GPBP1: variants seen among roughly 807,000 people sequenced by gnomAD.
The protein encoded by GPBP1 is vasculin.
A neutral mutation model predicts 56.5 loss-of-function variants in GPBP1; 13 were observed. The ratio of observed to expected loss-of-function variants is 0.23; its 90% CI spans 0.15 to 0.37. GPBP1 has a LOEUF of 0.37. Among genes scored for constraint, GPBP1 ranks in the 10% least tolerant of loss-of-function variants. GPBP1 has a pLI of 1.00. For missense variants in GPBP1, 477 were observed against 572.3 expected, an observed-to-expected ratio of 0.83 and a Z score of 1.70; for synonymous variants, 204 against 188.9, an observed-to-expected ratio of 1.08 and a Z score of -0.66.
At chr5:57,193,635 A>C (rs942594439) in intron 2 of GPBP1, among the ~76,000 whole-genome samples, 2 of 151,446 alleles carry the variant, frequency 1.3e-5, no homozygotes, top group African/African-American at 4.8e-5. Context: ...AAAAAAAAAA[A>C]ACTATGAAAA....
intron 5 of GPBP1, among the ~76,000 whole-genome samples, chr5:57,232,990 G>A (rs1756524048): frequency 6.6e-6 from 1 of 152,148 alleles, no homozygotes; most frequent in African/African-American, 2.4e-5. Context: ...TAAATTGAAT[G>A]GAATTTTTGC....
intron 2 of GPBP1, among the ~76,000 whole-genome samples, chr5:57,187,315 AT>A (rs1343197907): frequency 1.3e-5 from 2 of 152,190 alleles, no homozygotes; most frequent in African/African-American, 4.8e-5. Context: ...AAATGACAAC[AT>A]TTCTATACTG....
At chr5:57,241,174 TC>T (rs2111898883) in intron 6 of GPBP1, among the ~76,000 whole-genome samples, 1 of 152,214 alleles carries the variant, frequency 6.6e-6, no homozygotes, top group South Asian at 2.1e-4. Context: ...GTCAGAAACT[TC>T]ATGTATGTAG....
intron 6 of GPBP1, among the ~76,000 whole-genome samples, chr5:57,239,531 A>C (rs746436127): frequency 1.1e-4 from 17 of 152,230 alleles, no homozygotes; most frequent in Non-Finnish European, 2.1e-4. Flanking sequence ...CTGTAATCCC[A>C]GCACTCTGGG....
At chr5:57,215,010 T>C (rs1755644673) in intron 3 of GPBP1, among the ~76,000 whole-genome samples, 1 of 152,346 alleles carries the variant, frequency 6.6e-6, no homozygotes, top group East Asian at 1.9e-4. Context: ...CAGCGTACAC[T>C]AAGCCATTTA....
intron 2 of GPBP1, among the ~76,000 whole-genome samples, chr5:57,208,216 CCTTTT>C (rs1163272408): frequency 4.6e-5 from 7 of 152,066 alleles, no homozygotes; most frequent in Non-Finnish European, 8.8e-5. Context: ...GGGACCATGC[CCTTTT>C]CTTCCCAGCA....
At chr5:57,208,082 C>T (rs924971672) in intron 2 of GPBP1, among the ~76,000 whole-genome samples, 17 of 152,096 alleles carry the variant, frequency 1.1e-4, no homozygotes, top group East Asian at 1.9e-4. Context: ...CACCTAGATC[C>T]GTGGGCACAG....
At chr5:57,239,254 G>A (rs893323401) in intron 6 of GPBP1, among the ~76,000 whole-genome samples, 8 of 152,194 alleles carry the variant, frequency 5.3e-5, no homozygotes, top group African/African-American at 1.9e-4. Flanking sequence ...GATACAGCTT[G>A]ACCCAAGTAC....
rs566054043 is a variant in GPBP1, at chr5:57,199,987, C to T, written c.-57-14087C>T. 1.4e-3 allele frequency among the ~76,000 whole-genome samples: 199 copies of T among 139,522 alleles called. 2 individuals are homozygous for T. Among genetic ancestry groups the T allele is most frequent in the Middle Eastern group, 0.011 (3 of 266 alleles). The allele number at this position is 139,522 out of a possible 152,430, so 91.5% of individuals were successfully genotyped here. On this transcript the variant is annotated intron_variant, in intron 2 of 11. Coordinates refer to ENST00000506184, the MANE Select transcript of GPBP1 (RefSeq NM_022913.4). The stretch of plus-strand genomic sequence containing the variant: ...TGCCGCAAAGTGCTGGGATTACAGG[C>T]GTGAGCCACTGCGCCTGGCCCTTAC...
intron 3 of GPBP1, among the ~76,000 whole-genome samples, chr5:57,216,045 G>T (rs1475390524): frequency 6.6e-6 from 1 of 152,200 alleles, no homozygotes; most frequent in East Asian, 1.9e-4. Context: ...TTTTTCCAGT[G>T]TGAAACTACT....
chr5:57,216,029 T>A (rs1755686489), intron 3 of GPBP1, among the ~76,000 whole-genome samples: 1 of 152,174 alleles, frequency 6.6e-6, no homozygotes, highest in Admixed American at 6.6e-5. Context: ...ATAGCCTGAA[T>A]CTGAGTTTTT....
At chr5:57,217,026 C>G (rs945564175) in intron 3 of GPBP1, among the ~76,000 whole-genome samples, 3 of 152,122 alleles carry the variant, frequency 2.0e-5, no homozygotes, top group African/African-American at 7.2e-5. Context: ...CATTTACAGA[C>G]ATTCAAGGAG....
intron 2 of GPBP1, among the ~76,000 whole-genome samples, chr5:57,197,409 T>C (rs1025097982): frequency 5.2e-5 from 7 of 134,812 alleles, no homozygotes; most frequent in African/African-American, 2.0e-4. Context: ...CATGCTGGAG[T>C]GTGCATTGGT....
intron 6 of GPBP1, among the ~76,000 whole-genome samples, chr5:57,240,005 A>T (rs1243486926): frequency 1.3e-5 from 2 of 152,182 alleles, no homozygotes; most frequent in African/African-American, 4.8e-5. Flanking sequence ...TCATGCCTGT[A>T]ATCCCAGCAT....
intron 6 of GPBP1, chr5:57,245,514 A>G (rs931362607): frequency 2.6e-5 from 4 of 152,214 alleles, no homozygotes; most frequent in Middle Eastern, 3.2e-3. Flanking sequence ...AATTTATTCT[A>G]AACTTTCCAG....
At chr5:57,238,725 T>A (rs1740661990) in intron 6 of GPBP1, among the ~76,000 whole-genome samples, 1 of 152,200 alleles carries the variant, frequency 6.6e-6, no homozygotes, top group Non-Finnish European at 1.5e-5. Context: ...TGACTAGTAA[T>A]TAGCTTAAGC....
intron 2 of GPBP1, among the ~76,000 whole-genome samples, chr5:57,189,054 G>A (rs1734958564): frequency 6.6e-6 from 1 of 152,160 alleles, no homozygotes; most frequent in Non-Finnish European, 1.5e-5. Flanking sequence ...GTATAGTGGT[G>A]TGATCTTGGC....
chr5:57,244,897 C>G (rs772957149), intron 6 of GPBP1, among the ~76,000 whole-genome samples: 61 of 152,070 alleles, frequency 4.0e-4, no homozygotes, highest in Non-Finnish European at 6.9e-4. Context: ...ACACGCCCCG[C>G]TAATTCCTTT....
At chr5:57,185,831 C>T (rs544987803) in intron 2 of GPBP1, among the ~76,000 whole-genome samples, 199 of 150,546 alleles carry the variant, frequency 1.3e-3, no homozygotes, top group Non-Finnish European at 2.2e-3. Context: ...GAAAACCTGT[C>T]TTTACAAAAA....
Sources: allele counts gnomAD v4.1 joint callset (sites outside exome capture counted in the v4.1 genomes callset), GRCh38; gene constraint gnomAD v4.1.1; transcripts MANE v1.5; gene names NCBI Gene and HGNC (gene_info 2026-07-23, HGNC 2026-07-21).